Variants in SEMA4F observed in about 807,000 individuals in gnomAD.
SEMA4F encodes semaphorin-4F.
SEMA4F carries 51 observed loss-of-function variants against 78.4 expected under a neutral mutation model. The ratio of observed to expected loss-of-function variants is 0.65; its 90% CI spans 0.52 to 0.82. The LOEUF is 0.82. Ranked by LOEUF, SEMA4F falls within the 40% of genes least tolerant of loss-of-function variation. The pLI is 0.00. For synonymous variants in SEMA4F, 418 were observed against 408.7 expected (o/e 1.02, Z -0.27); for missense variants, 938 against 1,014.4 (o/e 0.92, Z 1.02).
intron 5 of SEMA4F, among the ~76,000 whole-genome samples, chr2:74,673,106 C>T (rs1479483246): frequency 6.6e-6 from 1 of 152,064 alleles, no homozygotes; most frequent in Non-Finnish European, 1.5e-5. Context: ...AGCAAATGCC[C>T]CTTTTGGAGA....
intron 4 of SEMA4F, among the ~76,000 whole-genome samples, chr2:74,661,465 G>T (rs1320946293): frequency 6.6e-6 from 1 of 152,170 alleles, no homozygotes. Context: ...TACTGCCATG[G>T]TTTAGGTGAG....
intron 4 of SEMA4F, among the ~76,000 whole-genome samples, chr2:74,659,104 A>G (rs1558718838): frequency 6.6e-6 from 1 of 152,216 alleles, no homozygotes. Flanking sequence ...CAGCATCTGG[A>G]TAGCTCCCTC....
chr2:74,700,769 T>C, the SEMA4F span, among the ~76,000 whole-genome samples: 1 of 152,188 alleles, frequency 6.6e-6, no homozygotes, highest in Non-Finnish European at 1.5e-5. Context: ...TTCTTAACTT[T>C]CTTTAGTAAA....
downstream of SEMA4F, among the ~76,000 whole-genome samples, chr2:74,687,847 G>A (rs1188232206): frequency 6.6e-6 from 1 of 152,156 alleles, no homozygotes; most frequent in Admixed American, 6.5e-5. Flanking sequence ...CCTAATTTGT[G>A]TCTGGTTGTC....
At position 74,675,893 on chromosome 2, in the gene SEMA4F, G is replaced by T. The variant is rs528238398; in HGVS notation, c.1627G>T (p.Ala543Ser). The change falls in exon 12 of 14, where the codon GCC (alanine) becomes TCC (serine). Residue 543 changes from alanine (A) to serine (S), a missense_variant. Physicochemically the swap from Ala to Ser is moderately conservative, Grantham distance 99. Transcript: ENST00000357877. The part of the protein sequence containing the change: ...SFRLDECVAH[A>S]GEHRGLVQDI... ...CCGGCTGGATGAGTGTGTGGCCCAT[G>T]CCGGGGAGCACCGAGGGTGAGTGTA... The T allele has an allele frequency of 1.2e-6, 2 of 1,612,924 alleles. No individual in the cohort carries two copies.
In SEMA4F at chr2:74,675,620, A is replaced by G. The variant is rs1685234665; in HGVS notation, c.1468A>G (p.Met490Val). The G allele has an allele frequency of 2.5e-6, 4 of 1,614,162 alleles. No homozygotes were observed. Among genetic ancestry groups the G allele is most frequent in the South Asian group, 2.2e-5 (2 of 91,076 alleles). ...CCCAGAGCCACAGCCAGTTGAGAAC[A>G]TGAAATTGTACCACGTGAGTTGTAG... ...LFPEPQPVEN[M>V]KLYHSWLLVG... The change falls in exon 11 of 14, where the codon ATG becomes GTG. Residue 490 changes from methionine to valine, a missense_variant. By Grantham distance (21) the Met-to-Val change is conservative. Coordinates refer to ENST00000357877, the MANE Select transcript of SEMA4F (RefSeq NM_004263.5).
Position 74,656,524 on chromosome 2 carries a change from T to G in SEMA4F, c.146-10T>G, listed in dbSNP as rs1684145103. ...CGATGGCTAACATCACTCTCCTCTC[T>G]TCCTGCCAGAGGCTGACTCCTGTCT... On this transcript the variant is annotated splice_polypyrimidine_tract_variant and intron_variant, in intron 1 of 13. Coordinates refer to ENST00000357877, the MANE Select transcript of SEMA4F (RefSeq NM_004263.5). The G allele has an allele frequency of 6.2e-7, 1 of 1,612,770 alleles. No individual in the cohort carries two copies. The highest frequency in any genetic ancestry group is 1.1e-5 in the South Asian group (1 of 91,022).
At position 74,680,374 on chromosome 2, in the gene SEMA4F, T is replaced by C. The variant is rs1306955399; in HGVS notation, c.*165T>C. The C allele has an allele frequency of 1.3e-6, 1 of 773,154 alleles. No individual in the cohort carries two copies. Among genetic ancestry groups the C allele is most frequent in the Non-Finnish European group, 2.0e-6 (1 of 511,388 alleles). The allele number at this position is 773,154 out of a possible 1,614,324, so 47.9% of individuals were successfully genotyped here. On this transcript the variant is annotated 3_prime_UTR_variant, in exon 14 of 14. Transcript: ENST00000357877. Reference sequence around the variant, plus strand: ...CTGTTCTCTCTGAGCCTGGATGGGCTTGGGGCCAGACCTTTGCCTGATTCC... The same window carrying C: ...CTGTTCTCTCTGAGCCTGGATGGGCCTGGGGCCAGACCTTTGCCTGATTCC...
chr2:74,691,835 A>C, the SEMA4F span, among the ~76,000 whole-genome samples: 5 of 152,218 alleles, frequency 3.3e-5, no homozygotes, highest in Admixed American at 2.0e-4. Context: ...AGGGATGATT[A>C]TGCCAATATT....
the SEMA4F span, among the ~76,000 whole-genome samples, chr2:74,708,249 A>G: frequency 6.6e-6 from 1 of 152,234 alleles, no homozygotes; most frequent in Non-Finnish European, 1.5e-5. Context: ...AACACCCAGC[A>G]AAGTACATTT....
downstream of SEMA4F, among the ~76,000 whole-genome samples, chr2:74,686,494 G>T (rs532857388): frequency 6.6e-6 from 1 of 152,310 alleles, no homozygotes; most frequent in East Asian, 1.9e-4. Context: ...TCTAGAATTA[G>T]AAGTACCATT....
At chr2:74,656,382 T>C (rs72818099) in intron 1 of SEMA4F, 152 bp from the exon 2 acceptor site, 11,349 of 672,888 alleles carry the variant, frequency 0.017, 218 homozygotes, top group Non-Finnish European at 0.02. Context: ...CTCATCTATC[T>C]CTGGTTCACT....
intron 5 of SEMA4F, among the ~76,000 whole-genome samples, chr2:74,670,130 A>C (rs778214407): frequency 1.3e-5 from 2 of 152,176 alleles, no homozygotes; most frequent in Non-Finnish European, 2.9e-5. Flanking sequence ...ATTCAGCAAT[A>C]ATTTGCCAAA....
chr2:74,679,476 G>A (rs2105019394), intron 13 of SEMA4F, 123 bp from the exon 14 acceptor site: 4 of 1,491,090 alleles, frequency 2.7e-6, no homozygotes, highest in South Asian at 1.2e-5. Context: ...GCCTCTTTAG[G>A]AATCCCCTTT....
chr2:74,674,640 G>A lies in SEMA4F; in HGVS notation c.965G>A (p.Gly322Glu), dbSNP rs1329367611. ...GTGCTTCGACCTGAGCTTGGGGCAGGGACTCCCATCTTTTATGGCATCTTT... is the reference window on the plus strand; with the variant it reads ...GTGCTTCGACCTGAGCTTGGGGCAGAGACTCCCATCTTTTATGGCATCTTT... ...VAVLRPELGA[G>E]TPIFYGIFSS... The change falls in exon 8 of 14, where the codon GGG becomes GAG. Residue 322 changes from glycine to glutamate, a missense_variant. Physicochemically the swap from Gly to Glu is moderately conservative, Grantham distance 98. Coordinates refer to ENST00000357877, the MANE Select transcript of SEMA4F (RefSeq NM_004263.5). 4 of 1,613,956 alleles carry A rather than the reference G, an allele frequency of 2.5e-6. No homozygotes were observed. The Admixed American group carries it at 5.0e-5, about 20-fold the overall frequency.
rs1445925367 is a variant in SEMA4F, at chr2:74,680,216, G to A, written c.*7G>A. 2 of 1,552,588 alleles carry A rather than the reference G, an allele frequency of 1.3e-6. No individual in the cohort carries two copies. The highest frequency in any genetic ancestry group is 1.7e-6 in the Non-Finnish European group (2 of 1,145,098). ...TGATGAAACATCCATCTAGAGCTGGGCAAATGACCACTAGTGTATAAGTGA... is the reference window on the plus strand; with the variant it reads ...TGATGAAACATCCATCTAGAGCTGGACAAATGACCACTAGTGTATAAGTGA... On this transcript the variant is annotated 3_prime_UTR_variant, in exon 14 of 14. Transcript: ENST00000357877.
the SEMA4F span, among the ~76,000 whole-genome samples, chr2:74,708,026 T>C: frequency 3.6e-3 from 547 of 152,192 alleles, 2 homozygotes; most frequent in African/African-American, 0.012. Flanking sequence ...ACCTGCCAGA[T>C]TGGAAAGTCC....
At chr2:74,674,375 A>G in intron 7 of SEMA4F, 123 bp from the exon 8 acceptor site, 2 of 798,842 alleles carry the variant, frequency 2.5e-6, no homozygotes, top group Non-Finnish European at 4.0e-6. Context: ...TTGCATTTGT[A>G]TGTATCTGTC....
At chr2:74,662,309 G>A (rs890647454) in intron 4 of SEMA4F, among the ~76,000 whole-genome samples, 2 of 152,096 alleles carry the variant, frequency 1.3e-5, no homozygotes, top group African/African-American at 2.4e-5. Flanking sequence ...TCCTTTCTAA[G>A]GTTTCCAGTC....
Sources: gnomAD v4.1 joint callset for allele counts (sites outside exome capture counted in the v4.1 genomes callset) on GRCh38, gnomAD v4.1.1 for gene constraint, MANE v1.5 for transcripts, NCBI Gene and HGNC (gene_info 2026-07-23, HGNC 2026-07-21) for gene names.